Variants in PDGFD observed in about 807,000 individuals in gnomAD.
PDGFD encodes platelet derived growth factor D, also known as platelet-derived growth factor D.
PDGFD carries 30 observed loss-of-function variants against 44.7 expected under a neutral mutation model. The ratio of observed to expected loss-of-function variants is 0.67; its 90% CI spans 0.50 to 0.91. The LOEUF is 0.91. PDGFD is among the 40% of genes least tolerant of loss of function. The pLI, the probability that PDGFD is intolerant of heterozygous loss-of-function variation, is 0.00. For synonymous variants in PDGFD, 173 were observed against 168.4 expected (o/e 1.03, Z -0.21); for missense variants, 445 against 457.8 (o/e 0.97, Z 0.25).
At chr11:104,058,740 T>C (rs1860661926) in intron 1 of PDGFD, among the ~76,000 whole-genome samples, 1 of 152,158 alleles carries the variant, frequency 6.6e-6, no homozygotes, top group African/African-American at 2.4e-5. Context: ...AATGAGCAAA[T>C]GCCCATTGAA....
At chr11:104,142,884 C>T (rs1862105601) in intron 1 of PDGFD, among the ~76,000 whole-genome samples, 1 of 152,180 alleles carries the variant, frequency 6.6e-6, no homozygotes, top group Non-Finnish European at 1.5e-5. Flanking sequence ...TCAAAGCCGC[C>T]TGCATTCAGG....
At chr11:104,038,586 C>T (rs1860295185) in intron 1 of PDGFD, 1 of 167,150 alleles carries the variant, frequency 6.0e-6, no homozygotes, top group Non-Finnish European at 1.5e-5. Flanking sequence ...ATATTTACAC[C>T]TTCCCTTCCC....
chr11:104,084,725 T>C (rs183873009), intron 1 of PDGFD, among the ~76,000 whole-genome samples: 33 of 129,832 alleles, frequency 2.5e-4, no homozygotes, highest in African/African-American at 1.2e-3. Flanking sequence ...TATACATATA[T>C]AATACAGATA....
chr11:104,124,690 T>C (rs1347466646), intron 1 of PDGFD, among the ~76,000 whole-genome samples: 1 of 152,110 alleles, frequency 6.6e-6, no homozygotes. Flanking sequence ...ATGAGCTTTT[T>C]AAAATATTGC....
chr11:104,111,577 A>G (rs1192996125), intron 1 of PDGFD, among the ~76,000 whole-genome samples: 1 of 152,086 alleles, frequency 6.6e-6, no homozygotes, highest in Non-Finnish European at 1.5e-5. Flanking sequence ...TTATTTTTCT[A>G]TGAACAAGTA....
chr11:104,038,591 C>G (rs1431958374), intron 1 of PDGFD: 1 of 167,192 alleles, frequency 6.0e-6, no homozygotes, highest in African/African-American at 2.4e-5. Context: ...TACACCTTCC[C>G]TTCCCCTGGA....
At chr11:103,964,733 G>C (rs1252393599) in intron 3 of PDGFD, among the ~76,000 whole-genome samples, 1 of 152,034 alleles carries the variant, frequency 6.6e-6, no homozygotes, top group African/African-American at 2.4e-5. Context: ...ACAGGGAGCA[G>C]GTGAGGTCCA....
intron 1 of PDGFD, among the ~76,000 whole-genome samples, chr11:104,051,390 C>T (rs570957549): frequency 2.6e-5 from 4 of 152,216 alleles, no homozygotes; most frequent in Middle Eastern, 3.4e-3. Context: ...GTGCTGTAGG[C>T]ATTGCTGCTA....
intron 3 of PDGFD, among the ~76,000 whole-genome samples, chr11:103,991,956 T>C (rs1447196401): frequency 6.6e-6 from 1 of 152,210 alleles, no homozygotes; most frequent in East Asian, 1.9e-4. Context: ...AGCCTTGTAA[T>C]TGAATACCTT....
chr11:104,063,548 C>T (rs1420860987), intron 1 of PDGFD, among the ~76,000 whole-genome samples: 5 of 151,964 alleles, frequency 3.3e-5, no homozygotes, highest in Non-Finnish European at 7.4e-5. Context: ...TGTATTAGTC[C>T]GTTTTCACAC....
chr11:104,122,856 G>C (rs1861796385), intron 1 of PDGFD, among the ~76,000 whole-genome samples: 1 of 151,400 alleles, frequency 6.6e-6, no homozygotes, highest in African/African-American at 2.4e-5. Flanking sequence ...ATGTATAAAG[G>C]GAATAGGAAA....
intron 1 of PDGFD, among the ~76,000 whole-genome samples, chr11:104,066,824 T>C (rs1203241853): frequency 6.6e-6 from 1 of 152,080 alleles, no homozygotes; most frequent in Non-Finnish European, 1.5e-5. Flanking sequence ...CCTTTGAAAA[T>C]TAGCTTCAAT....
chr11:104,145,399 T>C (rs1220700614), intron 1 of PDGFD, among the ~76,000 whole-genome samples: 2 of 152,252 alleles, frequency 1.3e-5, no homozygotes, highest in East Asian at 3.8e-4. Context: ...GGATTGATTA[T>C]GCCAGTTAAT....
intron 1 of PDGFD, among the ~76,000 whole-genome samples, chr11:104,126,302 A>T (rs1018827920): frequency 6.6e-6 from 1 of 152,170 alleles, no homozygotes; most frequent in African/African-American, 2.4e-5. Context: ...GTGGAGCAGG[A>T]CACAGGGACG....
intron 1 of PDGFD, among the ~76,000 whole-genome samples, chr11:104,121,087 A>C (rs1861772670): frequency 6.6e-6 from 1 of 152,042 alleles, no homozygotes; most frequent in African/African-American, 2.4e-5. Flanking sequence ...GAAGATACAG[A>C]GTGACAGCAC....
intron 3 of PDGFD, among the ~76,000 whole-genome samples, chr11:103,982,882 A>G (rs1353918429): frequency 1.3e-5 from 2 of 151,762 alleles, no homozygotes; most frequent in Non-Finnish European, 2.9e-5. Flanking sequence ...GATCCCTACA[A>G]GGAGAACTAC....
At chr11:103,919,050 T>C (rs553830130) in intron 6 of PDGFD, among the ~76,000 whole-genome samples, 2 of 152,254 alleles carry the variant, frequency 1.3e-5, no homozygotes, top group Admixed American at 6.5e-5. Flanking sequence ...ACAAATCCAC[T>C]GGCGGGCAAC....
chr11:103,923,637 A>G (rs1858260171), intron 6 of PDGFD, among the ~76,000 whole-genome samples: 2 of 152,210 alleles, frequency 1.3e-5, no homozygotes, highest in African/African-American at 4.8e-5. Context: ...CCCTAATGAG[A>G]CTAGGCTCAA....
At chr11:104,047,235 T>C (rs1469201641) in intron 1 of PDGFD, among the ~76,000 whole-genome samples, 1 of 147,688 alleles carries the variant, frequency 6.8e-6, no homozygotes, top group Admixed American at 6.8e-5. Flanking sequence ...GAATAATTTA[T>C]AATTCTTTGG....
Sources: gnomAD v4.1 joint callset for allele counts (sites outside exome capture counted in the v4.1 genomes callset) on GRCh38, gnomAD v4.1.1 for gene constraint, MANE v1.5 for transcripts, NCBI Gene and HGNC (gene_info 2026-07-23, HGNC 2026-07-21) for gene names.